Variants in DENND1B observed in about 807,000 individuals in gnomAD.
DENND1B encodes DENN domain containing 1B.
In DENND1B, 59 loss-of-function variants were observed where a neutral mutation model predicts 90.1. The observed-to-expected ratio is 0.65, with a 90% CI of 0.53 to 0.81. DENND1B has a LOEUF of 0.81. Ranked by LOEUF, DENND1B falls within the 40% of genes least tolerant of loss-of-function variation. DENND1B has a pLI of 0.00. For missense variants in DENND1B, 862 were observed against 912.6 expected, an observed-to-expected ratio of 0.94 and a Z score of 0.71; for synonymous variants, 337 against 324.6, an observed-to-expected ratio of 1.04 and a Z score of -0.41.
intron 15 of DENND1B, among the ~76,000 whole-genome samples, chr1:197,575,209 C>T (rs1010474971): frequency 6.6e-6 from 1 of 151,774 alleles, no homozygotes; most frequent in African/African-American, 2.4e-5. Context: ...GGGATAATAC[C>T]CAGGATCTAC....
chr1:197,695,363 G>A (rs1478880047), intron 3 of DENND1B, among the ~76,000 whole-genome samples: 2 of 150,790 alleles, frequency 1.3e-5, no homozygotes, highest in Non-Finnish European at 3.0e-5. Flanking sequence ...AAGCCGATAG[G>A]AAATAATTGC....
chr1:197,759,742 CAAAAAAAAAAAAA>C (rs1196523150), intron 2 of DENND1B, among the ~76,000 whole-genome samples: 3 of 38,156 alleles, frequency 7.9e-5, no homozygotes, highest in Non-Finnish European at 1.4e-4. Flanking sequence ...GACTCCGTCT[CAAAAAAAAAAAAA>C]AAAAAAAAAA....
chr1:197,662,227 A>G (rs1035909817), intron 5 of DENND1B, among the ~76,000 whole-genome samples: 2 of 152,080 alleles, frequency 1.3e-5, no homozygotes, highest in Non-Finnish European at 2.9e-5. Context: ...AGTATAACTC[A>G]CTAGTTAGTT....
intron 6 of DENND1B, among the ~76,000 whole-genome samples, chr1:197,654,227 T>G (rs1039895734): frequency 6.6e-6 from 1 of 152,202 alleles, no homozygotes; most frequent in South Asian, 2.1e-4. Flanking sequence ...CCTATTTATA[T>G]AAATAATACC....
chr1:197,521,335 C>G (rs1478535566), intron 20 of DENND1B, among the ~76,000 whole-genome samples: 2 of 151,968 alleles, frequency 1.3e-5, no homozygotes, highest in African/African-American at 4.8e-5. Flanking sequence ...ATTTTGATCA[C>G]CAGGTGGCAG....
At chr1:197,519,275 T>A (rs984178562) in intron 20 of DENND1B, among the ~76,000 whole-genome samples, 3 of 151,912 alleles carry the variant, frequency 2.0e-5, no homozygotes, top group African/African-American at 7.2e-5. Context: ...CAGGCAGAAA[T>A]GTTTTCTGAA....
chr1:197,713,815 A>ATATAATATATTATATATAATATATTATAT (rs1660259824), intron 3 of DENND1B, among the ~76,000 whole-genome samples: 82 of 68,058 alleles, frequency 1.2e-3, no homozygotes, highest in Non-Finnish European at 1.8e-3. Context: ...AATATATTAT[A>ATATAATATATTATATATAATATATTATAT]TATAATATAT....
At chr1:197,645,627 T>C (rs1680661549) in intron 9 of DENND1B, 63 bp downstream of exon 9, 3 of 1,036,848 alleles carry the variant, frequency 2.9e-6, no homozygotes, top group Non-Finnish European at 4.0e-6. Flanking sequence ...GCATAAACAG[T>C]GAGACCAAAA....
At chr1:197,553,913 C>A (rs1217713345) in intron 15 of DENND1B, among the ~76,000 whole-genome samples, 2 of 152,004 alleles carry the variant, frequency 1.3e-5, no homozygotes, top group African/African-American at 4.8e-5. Flanking sequence ...ATCAAAAGCA[C>A]CCGAAGATCT....
chr1:197,679,041 G>T (rs1013143375), intron 3 of DENND1B, among the ~76,000 whole-genome samples: 7 of 151,680 alleles, frequency 4.6e-5, no homozygotes, highest in Non-Finnish European at 7.4e-5. Context: ...AACTACATAG[G>T]TTATTAAATC....
At chr1:197,643,172 C>CT (rs531784884) in intron 9 of DENND1B, among the ~76,000 whole-genome samples, 121 of 145,808 alleles carry the variant, frequency 8.3e-4, no homozygotes, top group African/African-American at 1.7e-3. Flanking sequence ...CAAGAATCTG[C>CT]TTTTTTTTTT....
Position 197,562,613 on chromosome 1 carries a change from G to A in DENND1B, c.1150-9501C>T, listed in dbSNP as rs998636606. On this transcript the variant is annotated intron_variant, in intron 15 of 22. Transcript: ENST00000620048. ...GATAAATGTTGTGTGTGTCCTGACT[G>A]CTCCACTGACTGGCTATTCTCCCAT... Among the ~76,000 whole-genome samples, 3 of 151,782 alleles carry A rather than the reference G, an allele frequency of 2.0e-5. No individual in the cohort carries two copies. The South Asian group carries it at 6.2e-4, about 31-fold the overall frequency.
intron 3 of DENND1B, among the ~76,000 whole-genome samples, chr1:197,692,700 G>C (rs114810717): frequency 1.3e-5 from 2 of 151,808 alleles, no homozygotes; most frequent in Non-Finnish European, 2.9e-5. Context: ...AAAGGAGGAA[G>C]TGAAATATAT....
At chr1:197,747,508 A>C in intron 2 of DENND1B, 1 of 220,838 alleles carries the variant, frequency 4.5e-6, no homozygotes, top group South Asian at 1.0e-4. Context: ...CCGTCAGAAA[A>C]TGTTTTAAAT....
At chr1:197,715,115 A>G in intron 2 of DENND1B, 41 bp from the exon 3 acceptor site, 1 of 1,546,134 alleles carries the variant, frequency 6.5e-7, no homozygotes, top group Non-Finnish European at 8.9e-7. Flanking sequence ...GCAGCAAAAG[A>G]ACACATTTAA....
chr1:197,626,957 A>G (rs1444998778), intron 10 of DENND1B, among the ~76,000 whole-genome samples: 1 of 152,058 alleles, frequency 6.6e-6, no homozygotes, highest in Non-Finnish European at 1.5e-5. Flanking sequence ...CGACACACAC[A>G]CCCTCCCAAG....
intron 5 of DENND1B, among the ~76,000 whole-genome samples, chr1:197,670,798 AC>A (rs1386226087): frequency 6.6e-6 from 1 of 152,066 alleles, no homozygotes; most frequent in Admixed American, 6.6e-5. Context: ...CATTGCCCAC[AC>A]TGTCATCTCC....
chr1:197,556,883 G>GCTTC lies in DENND1B; in HGVS notation c.1150-3772_1150-3771insGAAG, dbSNP rs1446537530. Reference sequence around the variant, plus strand: ...AATTTTTATGAGCTTCCCAAGGGAAGGATCACTGTCTTTCACATGTATGCA... The same window carrying GCTTC: ...AATTTTTATGAGCTTCCCAAGGGAAGCTTCGATCACTGTCTTTCACATGTATGCA... On this transcript the variant is annotated intron_variant, in intron 15 of 22. Transcript: ENST00000620048. Among the ~76,000 whole-genome samples, 7 of 151,986 alleles carry GCTTC rather than the reference G, an allele frequency of 4.6e-5. No homozygotes were observed. In the South Asian group the frequency reaches 1.0e-3, roughly 22 times the overall value.
chr1:197,734,711 G>T (rs1213664294), intron 2 of DENND1B: 7 of 984,528 alleles, frequency 7.1e-6, no homozygotes, highest in Non-Finnish European at 8.4e-6. Context: ...CTGTATACAG[G>T]ATTCAGAATT....
Sources: allele counts gnomAD v4.1 joint callset (sites outside exome capture counted in the v4.1 genomes callset), GRCh38; gene constraint gnomAD v4.1.1; transcripts MANE v1.5; gene names NCBI Gene and HGNC (gene_info 2026-07-23, HGNC 2026-07-21).